Variants in ZNF804A observed in about 807,000 individuals in gnomAD.
ZNF804A encodes the protein zinc finger protein 804A.
In ZNF804A, 2 loss-of-function variants were observed where a neutral mutation model predicts 16.5. The ratio of observed to expected loss-of-function variants is 0.12; its 90% CI spans 0.05 to 0.38. The LOEUF is 0.38. ZNF804A is among the 10% of genes least tolerant of loss of function. ZNF804A has a pLI of 0.99. For synonymous variants in ZNF804A, 534 were observed against 489.6 expected (o/e 1.09, Z -1.20); for missense variants, 1,473 against 1,390.7 (o/e 1.06, Z -0.94).
At chr2:184,636,655 G>A (rs1033548579) in intron 1 of ZNF804A, among the ~76,000 whole-genome samples, 1 of 151,280 alleles carries the variant, frequency 6.6e-6, no homozygotes, top group African/African-American at 2.4e-5. Flanking sequence ...GTACTTCACT[G>A]TTTTTTTCTT....
chr2:184,861,228 T>A (rs961611405), intron 1 of ZNF804A, among the ~76,000 whole-genome samples: 1 of 152,136 alleles, frequency 6.6e-6, no homozygotes, highest in East Asian at 1.9e-4. Context: ...AAAATATATC[T>A]CTCCATGCTT....
intron 1 of ZNF804A, among the ~76,000 whole-genome samples, chr2:184,826,173 C>T (rs956347664): frequency 4.6e-5 from 7 of 152,020 alleles, no homozygotes; most frequent in Non-Finnish European, 7.4e-5. Context: ...CATGAGCAAC[C>T]GAGCCCAGCT....
chr2:184,886,097 T>C (rs1203872165), intron 2 of ZNF804A, among the ~76,000 whole-genome samples: 1 of 152,164 alleles, frequency 6.6e-6, no homozygotes, highest in Non-Finnish European at 1.5e-5. Flanking sequence ...AGCAAGCTAG[T>C]TTCTTCCTAG....
rs1274360481 is a variant in ZNF804A at position 184,937,791 on chromosome 2, C to A, written c.2395C>A (p.Pro799Thr). Residue 799 changes from proline to threonine, a missense_variant, in exon 4 of 4, where the codon CCA (proline) becomes ACA (threonine). Pro to Thr is a conservative substitution (Grantham distance 38). Coordinates refer to ENST00000302277, the MANE Select transcript of ZNF804A (RefSeq NM_194250.2). Reference sequence around the variant, plus strand: ...TTTACCAGAAGAATTTTTGAGGCCACCAAGTACTTCAGTTGCTCCCTGCAA... The same window carrying A: ...TTTACCAGAAGAATTTTTGAGGCCAACAAGTACTTCAGTTGCTCCCTGCAA... ...NHLPEEFLRP[P>T]STSVAPCKPK... 1 of 1,613,874 alleles carries A rather than the reference C, an allele frequency of 6.2e-7. No individual in the cohort carries two copies. Among genetic ancestry groups the A allele is most frequent in the African/African-American group, 1.3e-5 (1 of 74,898 alleles).
chr2:184,722,057 G>T (rs1693326196), intron 1 of ZNF804A, among the ~76,000 whole-genome samples: 1 of 151,956 alleles, frequency 6.6e-6, no homozygotes, highest in Non-Finnish European at 1.5e-5. Context: ...GTAGAGAGTG[G>T]AATGATAGAC....
intron 2 of ZNF804A, among the ~76,000 whole-genome samples, chr2:184,925,075 C>A (rs1333169380): frequency 6.6e-6 from 1 of 151,748 alleles, no homozygotes; most frequent in African/African-American, 2.4e-5. Context: ...CAGGTTAAGT[C>A]CAAAGTTTCT....
At chr2:184,857,085 T>C (rs748751088) in intron 1 of ZNF804A, among the ~76,000 whole-genome samples, 19 of 151,946 alleles carry the variant, frequency 1.3e-4, no homozygotes, top group Non-Finnish European at 2.6e-4. Flanking sequence ...ACATCTTTCT[T>C]TTTTTTGATG....
At chr2:184,727,354 T>C (rs1335175641) in intron 1 of ZNF804A, among the ~76,000 whole-genome samples, 1 of 151,594 alleles carries the variant, frequency 6.6e-6, no homozygotes, top group East Asian at 1.9e-4. Flanking sequence ...TCAAAGCAAT[T>C]AAAGTCAAAG....
chr2:184,871,867 G>C (rs899796964), intron 2 of ZNF804A, among the ~76,000 whole-genome samples: 1 of 152,000 alleles, frequency 6.6e-6, no homozygotes, highest in African/African-American at 2.4e-5. Context: ...TACTCAGACT[G>C]TATCACAAGG....
At chr2:184,776,376 A>C (rs1209899441) in intron 1 of ZNF804A, among the ~76,000 whole-genome samples, 1 of 151,594 alleles carries the variant, frequency 6.6e-6, no homozygotes, top group Non-Finnish European at 1.5e-5. Flanking sequence ...TAGATAGAAA[A>C]AAATCTACTA....
Position 184,938,209 on chromosome 2 carries a change from A to G in ZNF804A, c.2813A>G (p.Glu938Gly). The G allele has an allele frequency of 6.2e-7, 1 of 1,614,142 alleles. No individual in the cohort carries two copies. Among genetic ancestry groups the G allele is most frequent in the Non-Finnish European group, 8.5e-7 (1 of 1,180,026 alleles). Residue 938 changes from glutamate (E) to glycine (G), a missense_variant, in exon 4 of 4, where the codon GAA becomes GGA. Transcript: ENST00000302277. ...AIDNTLLEHK[E>G]RSENINLNEK... Reference sequence around the variant, plus strand: ...GACAATACCCTGCTTGAACACAAAGAAAGAAGTGAGAATATAAATCTTAAT... The same window carrying G: ...GACAATACCCTGCTTGAACACAAAGGAAGAAGTGAGAATATAAATCTTAAT...
At chr2:184,797,252 T>A (rs1179623123) in intron 1 of ZNF804A, among the ~76,000 whole-genome samples, 1 of 152,100 alleles carries the variant, frequency 6.6e-6, no homozygotes, top group Admixed American at 6.6e-5. Flanking sequence ...TTATTGTGTT[T>A]CTGTCTATCT....
At chr2:184,867,317 A>T (rs1695890906) in intron 2 of ZNF804A, among the ~76,000 whole-genome samples, 1 of 152,088 alleles carries the variant, frequency 6.6e-6, no homozygotes, top group Non-Finnish European at 1.5e-5. Context: ...ATCACCCTCA[A>T]ATACCATGCC....
At chr2:184,853,498 C>A (rs1325405946) in intron 1 of ZNF804A, among the ~76,000 whole-genome samples, 1 of 151,762 alleles carries the variant, frequency 6.6e-6, no homozygotes, top group Non-Finnish European at 1.5e-5. Context: ...AAGCTTTGAA[C>A]TTTTTACCAT....
chr2:184,644,321 A>T (rs565351284), intron 1 of ZNF804A, among the ~76,000 whole-genome samples: 3 of 151,764 alleles, frequency 2.0e-5, no homozygotes, highest in African/African-American at 7.2e-5. Flanking sequence ...TGAAAATAGT[A>T]TTTATAACCC....
rs1215594982 is a variant in ZNF804A at position 184,835,527 on chromosome 2, T to G, written c.112-30842T>G. On this transcript the variant is annotated intron_variant, in intron 1 of 3. Coordinates refer to ENST00000302277, the MANE Select transcript of ZNF804A (RefSeq NM_194250.2). ...GAAGTGCTTTTACCTCTTCCCTGTT[T>G]CAGCTAATTGTTAACCTGGTCCAGA... Among the ~76,000 whole-genome samples, 7 of 152,154 alleles carry G rather than the reference T, an allele frequency of 4.6e-5. No homozygotes were observed. In the East Asian group the frequency reaches 9.7e-4, roughly 21 times the overall value.
intron 1 of ZNF804A, among the ~76,000 whole-genome samples, chr2:184,764,340 C>T (rs1004291774): frequency 6.6e-6 from 1 of 152,036 alleles, no homozygotes; most frequent in African/African-American, 2.4e-5. Flanking sequence ...CTAAATTTGG[C>T]ATTTTAAGTT....
At chr2:184,836,595 C>T (rs1695348852) in intron 1 of ZNF804A, among the ~76,000 whole-genome samples, 1 of 151,426 alleles carries the variant, frequency 6.6e-6, no homozygotes, top group Non-Finnish European at 1.5e-5. Context: ...TTCTTAAAAT[C>T]AATATGAATG....
intron 1 of ZNF804A, among the ~76,000 whole-genome samples, chr2:184,604,829 T>G (rs1691115847): frequency 6.6e-6 from 1 of 152,154 alleles, no homozygotes; most frequent in Non-Finnish European, 1.5e-5. Context: ...TGCCACATAT[T>G]GCTTGAACTG....
Sources: allele counts gnomAD v4.1 joint callset (sites outside exome capture counted in the v4.1 genomes callset), GRCh38; gene constraint gnomAD v4.1.1; transcripts MANE v1.5; gene names NCBI Gene and HGNC (gene_info 2026-07-23, HGNC 2026-07-21).